The following KMO variants were observed in gnomAD, a reference collection of about 807,000 sequenced individuals.
KMO encodes the protein kynurenine 3-hydroxylase.
A neutral mutation model predicts 57.8 loss-of-function variants in KMO; 24 were observed. The ratio of observed to expected loss-of-function variants is 0.42; its 90% CI spans 0.30 to 0.58. KMO has a LOEUF of 0.58. Ranked by LOEUF, KMO falls within the 20% of genes least tolerant of loss-of-function variation. The probability of loss-of-function intolerance (pLI) is 0.22; values close to 1 mark genes in which losing one functional copy is unlikely to be tolerated. For synonymous variants in KMO, 210 were observed against 193.6 expected (o/e 1.08, Z -0.70); for missense variants, 483 against 588.2 (o/e 0.82, Z 1.85).
intron 1 of KMO, among the ~76,000 whole-genome samples, chr1:241,532,949 CA>C (rs1385063845): frequency 6.6e-6 from 1 of 152,170 alleles, no homozygotes; most frequent in East Asian, 1.9e-4. Flanking sequence ...AAGCTAACGT[CA>C]AAGTATCATG....
At chr1:241,585,790 GA>G (rs1353935313) in intron 10 of KMO, among the ~76,000 whole-genome samples, 7 of 149,150 alleles carry the variant, frequency 4.7e-5, no homozygotes, top group African/African-American at 1.5e-4. Context: ...AAACCAAAAA[GA>G]AAAAAAATCT....
intron 10 of KMO, among the ~76,000 whole-genome samples, chr1:241,586,349 C>T (rs751148296): frequency 6.6e-6 from 1 of 151,906 alleles, no homozygotes; most frequent in Non-Finnish European, 1.5e-5. Flanking sequence ...CAGGCACACA[C>T]CACCACATCC....
chr1:241,577,303 C>A (rs192133274), intron 10 of KMO, among the ~76,000 whole-genome samples: 52 of 152,180 alleles, frequency 3.4e-4, no homozygotes, highest in Admixed American at 9.2e-4. Context: ...TGTTATAGAA[C>A]CCTGTTTTGT....
At chr1:241,591,621 C>T (rs948189052) in intron 14 of KMO, among the ~76,000 whole-genome samples, 10 of 152,086 alleles carry the variant, frequency 6.6e-5, no homozygotes, top group Admixed American at 3.9e-4. Context: ...GATGTGTGGC[C>T]CCAGCACAGC....
chr1:241,585,596 A>G (rs1662943206), intron 10 of KMO, among the ~76,000 whole-genome samples: 1 of 152,044 alleles, frequency 6.6e-6, no homozygotes, highest in Admixed American at 6.5e-5. Context: ...CATCTCTATA[A>G]AAATACAAAA....
chr1:241,571,864 CTTT>C (rs34450394), intron 10 of KMO, among the ~76,000 whole-genome samples: 1 of 96,486 alleles, frequency 1.0e-5, no homozygotes, highest in Non-Finnish European at 2.0e-5. Context: ...ATATTAGTTC[CTTT>C]TTTTTTTTTT....
At chr1:241,533,695 T>C (rs1660658457) in intron 1 of KMO, among the ~76,000 whole-genome samples, 1 of 152,128 alleles carries the variant, frequency 6.6e-6, no homozygotes, top group Non-Finnish European at 1.5e-5. Flanking sequence ...AGGGTGAGAA[T>C]TCCAGAGAAG....
chr1:241,557,245 C>CTATGT (rs1661671177), intron 5 of KMO, among the ~76,000 whole-genome samples: 1 of 151,770 alleles, frequency 6.6e-6, no homozygotes, highest in Non-Finnish European at 1.5e-5. Context: ...AGTCACACAC[C>CTATGT]ATGTATCCCT....
At chr1:241,545,556 A>T (rs1661116083) in intron 1 of KMO, among the ~76,000 whole-genome samples, 1 of 152,178 alleles carries the variant, frequency 6.6e-6, no homozygotes, top group Non-Finnish European at 1.5e-5. Flanking sequence ...TCCCCTTTTT[A>T]TAAAGACACA....
At chr1:241,588,421 T>C (rs944729809) in intron 11 of KMO, among the ~76,000 whole-genome samples, 2 of 149,904 alleles carry the variant, frequency 1.3e-5, no homozygotes, top group African/African-American at 4.9e-5. Flanking sequence ...CCTTTCCTTG[T>C]GCTCGCGTGA....
intron 5 of KMO, among the ~76,000 whole-genome samples, chr1:241,557,156 G>C (rs1282460122): frequency 6.6e-6 from 1 of 152,144 alleles, no homozygotes; most frequent in African/African-American, 2.4e-5. Context: ...TTGTGAATTT[G>C]TGTAACTAAA....
At chr1:241,557,729 G>T (rs1335026358) in intron 5 of KMO, among the ~76,000 whole-genome samples, 1 of 152,172 alleles carries the variant, frequency 6.6e-6, no homozygotes, top group Non-Finnish European at 1.5e-5. Flanking sequence ...TTGGTAGGCT[G>T]AGGAGGGAGG....
intron 1 of KMO, among the ~76,000 whole-genome samples, chr1:241,547,321 A>G (rs552431153): frequency 3.9e-5 from 6 of 152,344 alleles, no homozygotes; most frequent in South Asian, 2.1e-4. Flanking sequence ...CTCATACTCA[A>G]AATAGACTAT....
At chr1:241,563,059 G>A (rs1281159606) in intron 7 of KMO, among the ~76,000 whole-genome samples, 2 of 152,144 alleles carry the variant, frequency 1.3e-5, no homozygotes, top group African/African-American at 4.8e-5. Flanking sequence ...GGTTGATGAT[G>A]AATCCTTCAG....
In KMO at chr1:241,592,161, G is replaced by A; in HGVS notation, c.*8G>A. On this transcript the variant is annotated 3_prime_UTR_variant, in exon 15 of 15. Transcript: ENST00000366559. ...AATCTCATTAGCAGGTGATAGAAAG[G>A]TTTTGTGGTAGCAAATGCATGATTT... is the stretch of plus-strand genomic sequence containing the variant. 6.2e-7 allele frequency: 1 copy of A among 1,608,826 alleles called. No individual in the cohort carries two copies. The highest frequency in any genetic ancestry group is 8.5e-7 in the Non-Finnish European group (1 of 1,176,478).
At chr1:241,543,845 A>G (rs2147943483) in intron 1 of KMO, among the ~76,000 whole-genome samples, 1 of 152,306 alleles carries the variant, frequency 6.6e-6, no homozygotes, top group Non-Finnish European at 1.5e-5. Flanking sequence ...CAGTTGGCAA[A>G]CACGTAAGCG....
intron 1 of KMO, among the ~76,000 whole-genome samples, chr1:241,545,974 A>G (rs909217746): frequency 6.6e-6 from 1 of 152,162 alleles, no homozygotes; most frequent in Non-Finnish European, 1.5e-5. Context: ...TCAGATTTGT[A>G]TATTTTAAAA....
intron 10 of KMO, among the ~76,000 whole-genome samples, chr1:241,580,730 T>C (rs1328745167): frequency 6.6e-6 from 1 of 152,122 alleles, no homozygotes; most frequent in Non-Finnish European, 1.5e-5. Context: ...GTGATTTCAA[T>C]TTTTAAAAAT....
chr1:241,583,615 A>C lies in KMO; in HGVS notation c.958-3064A>C, dbSNP rs140782054. Among the ~76,000 whole-genome samples the C allele has an allele frequency of 1.5e-4, 23 of 152,364 alleles. No individual in the cohort carries two copies. The East Asian group carries it at 4.2e-3, about 28-fold the overall frequency. On this transcript the variant is annotated intron_variant, in intron 10 of 14. Coordinates refer to ENST00000366559, the MANE Select transcript of KMO (RefSeq NM_003679.5). ...TTGAAGAAGAGGGTCTCAGGTACTTAAAATCATCTATAGATTACTTATAAT... is the reference window on the plus strand; with the variant it reads ...TTGAAGAAGAGGGTCTCAGGTACTTCAAATCATCTATAGATTACTTATAAT...
Sources: gnomAD v4.1 joint callset for allele counts (sites outside exome capture counted in the v4.1 genomes callset) on GRCh38, gnomAD v4.1.1 for gene constraint, MANE v1.5 for transcripts, NCBI Gene and HGNC (gene_info 2026-07-23, HGNC 2026-07-21) for gene names.